NELL1: variants seen among roughly 807,000 people sequenced by gnomAD.
The protein encoded by NELL1 is neural EGFL like 1.
A neutral mutation model predicts 107.4 loss-of-function variants in NELL1; 76 were observed. The observed-to-expected ratio is 0.71, with a 90% confidence interval of 0.59 to 0.86. The LOEUF (loss-of-function observed/expected upper bound fraction) is 0.86. Ranked by LOEUF, NELL1 falls within the 40% of genes least tolerant of loss-of-function variation. NELL1 has a pLI of 0.00. For missense variants in NELL1, 1,024 were observed against 1,005.5 expected (o/e 1.02, Z -0.25); for synonymous variants, 353 against 341.2 (o/e 1.03, Z -0.38).
intron 14 of NELL1, among the ~76,000 whole-genome samples, chr11:21,342,416 G>GC (rs1229899964): frequency 3.4e-5 from 5 of 148,802 alleles, no homozygotes; most frequent in Admixed American, 1.3e-4. Flanking sequence ...TTAAGTGGGG[G>GC]GGGGGGTCAC....
At chr11:21,348,516 A>G (rs989616862) in intron 14 of NELL1, among the ~76,000 whole-genome samples, 2 of 152,184 alleles carry the variant, frequency 1.3e-5, no homozygotes, top group African/African-American at 4.8e-5. Flanking sequence ...ATTTGATAAG[A>G]TATTTAAGCA....
At chr11:21,064,824 G>A (rs1159659492) in intron 12 of NELL1, among the ~76,000 whole-genome samples, 1 of 152,144 alleles carries the variant, frequency 6.6e-6, no homozygotes, top group African/African-American at 2.4e-5. Context: ...TATAAAAATT[G>A]TAAAGCAGTT....
At chr11:21,489,375 T>C (rs1345099406) in intron 15 of NELL1, among the ~76,000 whole-genome samples, 6 of 29,838 alleles carry the variant, frequency 2.0e-4, no homozygotes, top group Non-Finnish European at 4.1e-4. Flanking sequence ...TTCCTGAAAG[T>C]ATTTCAAAAA....
intron 14 of NELL1, among the ~76,000 whole-genome samples, chr11:21,302,420 C>G (rs1416980006): frequency 6.6e-6 from 1 of 151,986 alleles, no homozygotes; most frequent in Non-Finnish European, 1.5e-5. Context: ...TTCTAATGTG[C>G]AAATGGTTAT....
At chr11:21,332,976 A>T (rs1850305306) in intron 14 of NELL1, among the ~76,000 whole-genome samples, 1 of 152,028 alleles carries the variant, frequency 6.6e-6, no homozygotes, top group Admixed American at 6.6e-5. Flanking sequence ...ACTTGTAGAA[A>T]ATGATGTGGT....
At chr11:21,482,254 T>C (rs1023146845) in intron 15 of NELL1, among the ~76,000 whole-genome samples, 1 of 152,320 alleles carries the variant, frequency 6.6e-6, no homozygotes, top group Admixed American at 6.5e-5. Context: ...GACTCCACTG[T>C]AGTGTTGAGT....
At chr11:20,763,335 G>A (rs990153827) in intron 2 of NELL1, among the ~76,000 whole-genome samples, 2 of 152,152 alleles carry the variant, frequency 1.3e-5, no homozygotes, top group African/African-American at 4.8e-5. Flanking sequence ...CAGGCATGGA[G>A]GAAAGTGAGA....
At position 20,755,563 on chromosome 11, in the gene NELL1, T is replaced by TTTTTTTTATTTATTTA. The variant is rs1590264065; in HGVS notation, c.185-28110_185-28109insATTTATTTATTTTTTT. On this transcript the variant is annotated intron_variant, in intron 2 of 19. Transcript: ENST00000357134. ...TTGTTTTTTTTTGTTTTTGTTTTTG[T>TTTTTTTTATTTATTTA]TTTTTTTTTTTTGAGACAGAATCTG... Among the ~76,000 whole-genome samples, 7 of 19,130 alleles carry TTTTTTTTATTTATTTA rather than the reference T, an allele frequency of 3.7e-4. No homozygotes were observed. The East Asian group carries it at 9.7e-3, about 26-fold the overall frequency. The allele number at this position is 19,130 out of a possible 152,430, so 12.6% of individuals were successfully genotyped here. A position where few individuals can be genotyped will look rare whatever the true frequency, so the allele number is the denominator to read the frequency against.
intron 14 of NELL1, among the ~76,000 whole-genome samples, chr11:21,365,808 G>T (rs1303709305): frequency 6.6e-6 from 1 of 151,116 alleles, no homozygotes; most frequent in Non-Finnish European, 1.5e-5. Flanking sequence ...ACTATTTTGG[G>T]GGAGAGGTTG....
intron 14 of NELL1, among the ~76,000 whole-genome samples, chr11:21,356,011 A>C (rs552668014): frequency 6.6e-6 from 1 of 152,152 alleles, no homozygotes; most frequent in East Asian, 1.9e-4. Context: ...CTCTACTCAA[A>C]TGATCTCTTT....
At chr11:21,042,793 C>G (rs1194309443) in intron 12 of NELL1, among the ~76,000 whole-genome samples, 1 of 152,116 alleles carries the variant, frequency 6.6e-6, no homozygotes, top group Non-Finnish European at 1.5e-5. Flanking sequence ...AAATTCCAAG[C>G]TGTGTGTTCC....
At chr11:21,070,131 T>A (rs1387955456) in intron 12 of NELL1, among the ~76,000 whole-genome samples, 4 of 152,066 alleles carry the variant, frequency 2.6e-5, no homozygotes, top group African/African-American at 9.7e-5. Flanking sequence ...AAGGCTGTTT[T>A]TTTTTTTGAA....
chr11:20,882,784 C>T (rs907618981), intron 4 of NELL1, among the ~76,000 whole-genome samples: 1 of 152,116 alleles, frequency 6.6e-6, no homozygotes, highest in Non-Finnish European at 1.5e-5. Flanking sequence ...GGGATTATTT[C>T]CCCCTGCCCT....
chr11:20,927,395 C>G lies in NELL1; in HGVS notation c.847C>G (p.Gln283Glu). Reference sequence around the variant, plus strand: ...AGTGAGTGGACTGCTCTATCGAGATCAAGACTCTTGGGTAGATGGTGACCA... The same window carrying G: ...AGTGAGTGGACTGCTCTATCGAGATGAAGACTCTTGGGTAGATGGTGACCA... ...CQVSGLLYRD[Q>E]DSWVDGDHCR... The change falls in exon 8 of 20, where the codon CAA (glutamine) becomes GAA (glutamate). Residue 283 changes from glutamine to glutamate, a missense_variant. Transcript: ENST00000357134. The G allele has an allele frequency of 6.2e-7, 1 of 1,613,154 alleles. No individual in the cohort carries two copies. Among genetic ancestry groups the G allele is most frequent in the Non-Finnish European group, 8.5e-7 (1 of 1,179,718 alleles).
chr11:21,116,243 G>T (rs993557458), intron 13 of NELL1, among the ~76,000 whole-genome samples: 1 of 151,828 alleles, frequency 6.6e-6, no homozygotes, highest in African/African-American at 2.4e-5. Flanking sequence ...CCTATTTCCT[G>T]GTTTTCCCTC....
At chr11:20,690,880 G>T (rs1333129794) in intron 2 of NELL1, among the ~76,000 whole-genome samples, 2 of 151,462 alleles carry the variant, frequency 1.3e-5, no homozygotes, top group Admixed American at 1.3e-4. Flanking sequence ...GGGCAGTATG[G>T]CCATTTTCAC....
chr11:20,819,004 A>G (rs949071561), intron 3 of NELL1, among the ~76,000 whole-genome samples: 5 of 152,212 alleles, frequency 3.3e-5, no homozygotes, highest in Non-Finnish European at 7.3e-5. Context: ...GCCAAGAGTC[A>G]CCCAGCTAGT....
chr11:21,286,914 G>A (rs1310176912), intron 14 of NELL1, among the ~76,000 whole-genome samples: 2 of 152,054 alleles, frequency 1.3e-5, no homozygotes, highest in Non-Finnish European at 2.9e-5. Context: ...GGTTGATACC[G>A]CTACACTTTT....
At chr11:20,923,968 C>T (rs1033892221) in intron 7 of NELL1, among the ~76,000 whole-genome samples, 1 of 152,110 alleles carries the variant, frequency 6.6e-6, no homozygotes, top group African/African-American at 2.4e-5. Context: ...ATAAAAAAGG[C>T]CTCTGCTGTC....
Sources: gnomAD v4.1 joint callset for allele counts (sites outside exome capture counted in the v4.1 genomes callset) on GRCh38, gnomAD v4.1.1 for gene constraint, MANE v1.5 for transcripts, NCBI Gene and HGNC (gene_info 2026-07-23, HGNC 2026-07-21) for gene names.